The following ANK3 variants were observed in gnomAD, a reference collection of about 807,000 sequenced individuals.
ANK3 encodes the protein ankyrin-3.
ANK3 carries 57 observed loss-of-function variants against 370.9 expected under a neutral mutation model. The observed-to-expected ratio is 0.15, with a 90% confidence interval of 0.12 to 0.19. ANK3 has a LOEUF of 0.19. Ranked by LOEUF, ANK3 falls within the 10% of genes least tolerant of loss-of-function variation. The pLI, the probability that ANK3 is intolerant of heterozygous loss-of-function variation, is 1.00. For synonymous variants in ANK3, 1,929 were observed against 1,946.3 expected, an observed-to-expected ratio of 0.99 and a Z score of 0.23; for missense variants, 4,439 against 5,302.1, an observed-to-expected ratio of 0.84 and a Z score of 5.06.
At chr10:60,359,804 C>G (rs1331211901) in intron 1 of ANK3, among the ~76,000 whole-genome samples, 1 of 152,112 alleles carries the variant, frequency 6.6e-6, no homozygotes, top group Non-Finnish European at 1.5e-5. Flanking sequence ...GTCTCTAAAA[C>G]TAATCAAAGG....
chr10:60,592,204 T>C (rs1040863929), intron 2 of ANK3, among the ~76,000 whole-genome samples: 43 of 152,268 alleles, frequency 2.8e-4, no homozygotes, highest in African/African-American at 1.0e-3. Flanking sequence ...TATATACACC[T>C]ATTATGTACC....
At position 60,173,068 on chromosome 10, in the gene ANK3, C is replaced by CA; in HGVS notation, c.2283+19dup. 4.4e-6 allele frequency: 7 copies of CA among 1,606,354 alleles called. No individual in the cohort carries two copies. Among genetic ancestry groups the CA allele is most frequent in the Non-Finnish European group, 5.1e-6 (6 of 1,177,272 alleles). ...CAAAAATAAATGATTCTGGCAGAAA[C>CA]AAAAAAGGAAGGAGCTTACCTTTGT... On this transcript the variant is annotated intron_variant, in intron 19 of 43. Transcript: ENST00000280772.
In ANK3 at chr10:60,069,366, A is replaced by G. The variant is rs1156766019; in HGVS notation, c.11515T>C (p.Cys3839Arg). ...GKKTGVLQGHCVRDKQKVLGE... is the reference protein window; with the variant it reads ...GKKTGVLQGHRVRDKQKVLGE... ...AGAACTTTCTGCTTATCTCTTACAC[A>G]GTGTCCTTGTAGTACCCCTGTCTTT... is the stretch of plus-strand genomic sequence containing the variant. Residue 3839 changes from cysteine to arginine, a missense_variant, in exon 37 of 44, where the codon TGT becomes CGT. By Grantham distance (180) the Cys-to-Arg change is radical. Around this residue, in one of 13 missense-constraint regions of ANK3, gnomAD observed 496 missense variants for 529.3 expected, o/e 0.94. Transcript: ENST00000280772. 6.2e-7 allele frequency: 1 copy of G among 1,613,544 alleles called. No individual in the cohort carries two copies. The highest frequency in any genetic ancestry group is 1.1e-5 in the South Asian group (1 of 90,998).
At position 60,487,067 on chromosome 10, in the gene ANK3, C is replaced by T. The variant is rs142909012; in HGVS notation, c.96+128119G>A. 3.2e-3 allele frequency among the ~76,000 whole-genome samples: 488 copies of T among 151,902 alleles called. 8 individuals are homozygous for T. Among genetic ancestry groups the T allele is most frequent in the African/African-American group, 0.011 (448 of 41,438 alleles). ...ATATTATTTGTTCCAAAAGTTAGAG[C>T]GATGAGCAATTAAAGGAAAAAAGAA... On this transcript the variant is annotated intron_variant, in intron 2 of 43. Transcript: ENST00000373827.
At chr10:60,572,077 T>A (rs201359232) in intron 2 of ANK3, among the ~76,000 whole-genome samples, 1 of 152,140 alleles carries the variant, frequency 6.6e-6, no homozygotes, top group East Asian at 1.9e-4. Flanking sequence ...AAGCTAAACA[T>A]CTATACCATA....
Position 60,069,696 on chromosome 10 carries a change from A to T in ANK3, c.11185T>A (p.Ser3729Thr). The change falls in exon 37 of 44, where the codon TCC becomes ACC. Residue 3729 changes from serine to threonine, a missense_variant. This residue lies in a region of ANK3 where 496 missense variants were observed against 529.3 expected (regional missense o/e 0.94). Coordinates refer to ENST00000280772, the MANE Select transcript of ANK3 (RefSeq NM_020987.5). The stretch of plus-strand genomic sequence containing the variant: ...CCTTCTTTCTTCATGGTCATGGTGG[A>T]TGCAGAAATTCCCATTTTTATAGGC... ...RTPIKMGISA[S>T]TMTMKKEGPG... is the part of the protein sequence containing the mutation. 6.2e-7 allele frequency: 1 copy of T among 1,613,836 alleles called. No individual in the cohort carries two copies. Among genetic ancestry groups the T allele is most frequent in the Non-Finnish European group, 8.5e-7 (1 of 1,179,952 alleles).
At position 60,055,800 on chromosome 10, in the gene ANK3, T is replaced by C. The variant is rs758163584; in HGVS notation, c.12923A>G (p.Glu4308Gly). The C allele has an allele frequency of 1.2e-6, 2 of 1,614,120 alleles. No homozygotes were observed. Among genetic ancestry groups the C allele is most frequent in the Non-Finnish European group, 1.7e-6 (2 of 1,180,052 alleles). Residue 4308 changes from glutamate to glycine, a missense_variant, in exon 42 of 44, where the codon GAA becomes GGA. By Grantham distance (98) the Glu-to-Gly change is moderately conservative (BLOSUM62 -2). Coordinates refer to ENST00000280772, the MANE Select transcript of ANK3 (RefSeq NM_020987.5). ...TTCTATTATAAGCTTGCTGGTTTCTTCTAGAGATTTCTGATATGCTGCTAG... is the reference window on the plus strand; with the variant it reads ...TTCTATTATAAGCTTGCTGGTTTCTCCTAGAGATTTCTGATATGCTGCTAG... ...SPLAAYQKSL[E>G]ETSKLIIEET... is the part of the protein sequence containing the mutation.
intron 2 of ANK3, among the ~76,000 whole-genome samples, chr10:60,499,535 C>T (rs1424529242): frequency 6.6e-6 from 1 of 152,146 alleles, no homozygotes; most frequent in Non-Finnish European, 1.5e-5. Context: ...TTTCATTTTA[C>T]CATTTCTGTC....
intron 1 of ANK3, among the ~76,000 whole-genome samples, chr10:60,289,332 G>T (rs1188293678): frequency 6.7e-6 from 1 of 149,740 alleles, no homozygotes; most frequent in East Asian, 2.0e-4. Context: ...AAGCTCCTGG[G>T]CTCAAGCAAT....
chr10:60,042,930 T>A (rs188445639), intron 42 of ANK3, 171 bp from the exon 43 acceptor site: 334 of 1,419,366 alleles, frequency 2.4e-4, no homozygotes, highest in Non-Finnish European at 2.9e-4. Flanking sequence ...CAGTTTAGCA[T>A]CATCAAGCAA....
intron 1 of ANK3, among the ~76,000 whole-genome samples, chr10:60,729,289 G>C (rs561652349): frequency 6.6e-6 from 1 of 152,190 alleles, no homozygotes; most frequent in East Asian, 1.9e-4. Flanking sequence ...AAAAAGTGGG[G>C]AAAGAGAAGC....
At chr10:60,338,212 T>C (rs1003510580) in intron 1 of ANK3, among the ~76,000 whole-genome samples, 1 of 152,172 alleles carries the variant, frequency 6.6e-6, no homozygotes, top group African/African-American at 2.4e-5. Flanking sequence ...AGTATAAAGA[T>C]TGGGCAATAG....
intron 2 of ANK3, among the ~76,000 whole-genome samples, chr10:60,400,357 CA>C (rs1203130331): frequency 6.6e-6 from 1 of 152,122 alleles, no homozygotes; most frequent in African/African-American, 2.4e-5. Flanking sequence ...ATTCGGCTTC[CA>C]ACCAAAATCT....
At chr10:60,423,773 T>C (rs2063824521) in intron 2 of ANK3, among the ~76,000 whole-genome samples, 2 of 152,022 alleles carry the variant, frequency 1.3e-5, no homozygotes, top group Admixed American at 6.6e-5. Context: ...TGCCAATAAA[T>C]GTATGAAAAC....
At chr10:60,333,055 T>A (rs1185143520) in intron 1 of ANK3, among the ~76,000 whole-genome samples, 1 of 152,174 alleles carries the variant, frequency 6.6e-6, no homozygotes, top group Non-Finnish European at 1.5e-5. Context: ...TTATTTAAAG[T>A]CTCTTTAATC....
chr10:60,153,234 T>C (rs1274522510), intron 23 of ANK3, among the ~76,000 whole-genome samples: 1 of 152,184 alleles, frequency 6.6e-6, no homozygotes. Context: ...TGGAATAACA[T>C]GATCCAATGT....
At chr10:60,577,229 C>T (rs543681308) in intron 2 of ANK3, among the ~76,000 whole-genome samples, 2 of 152,250 alleles carry the variant, frequency 1.3e-5, no homozygotes, top group East Asian at 3.9e-4. Flanking sequence ...GTAGTTAGTT[C>T]CACCACATCC....
In ANK3 at chr10:60,030,358, G is replaced by A. The variant is rs552922633; in HGVS notation, c.*20-532C>T. 1.1e-4 allele frequency among the ~76,000 whole-genome samples: 16 copies of A among 152,162 alleles called. No individual in the cohort carries two copies. In the South Asian group the frequency reaches 1.9e-3, roughly 18 times the overall value. The stretch of plus-strand genomic sequence containing the variant: ...GGGGTTTCACTATGTTAGTCAGGAT[G>A]GTCTCGATCTCCTGACCTCGTGAGC... On this transcript the variant is annotated intron_variant, in intron 43 of 43. Transcript: ENST00000280772.
intron 2 of ANK3, among the ~76,000 whole-genome samples, chr10:60,587,495 G>A (rs993117684): frequency 1.2e-4 from 18 of 152,112 alleles, no homozygotes; most frequent in African/African-American, 3.4e-4. Flanking sequence ...GATCTGGAGC[G>A]GAGAAATGTA....
Sources: gnomAD v4.1 joint callset for allele counts (sites outside exome capture counted in the v4.1 genomes callset) on GRCh38, gnomAD v4.1.1 for gene constraint, gnomAD v4.1.1 regional missense constraint, MANE v1.5 for transcripts, NCBI Gene and HGNC (gene_info 2026-07-23, HGNC 2026-07-21) for gene names.